Variants in SENP7 observed in about 807,000 individuals in gnomAD.
SENP7 encodes sentrin-specific protease 7.
SENP7 carries 64 observed loss-of-function variants against 141.2 expected under a neutral mutation model. That is an observed-to-expected ratio of 0.45 (90% CI 0.37 to 0.56). The LOEUF is 0.56. SENP7 is among the 20% of genes least tolerant of loss of function. The pLI is 0.00. For synonymous variants in SENP7, 382 were observed against 426.4 expected (o/e 0.90, Z 1.28); for missense variants, 1,025 against 1,212.2 (o/e 0.85, Z 2.29).
chr3:101,412,105 A>G (rs1302929582), intron 5 of SENP7, among the ~76,000 whole-genome samples: 1 of 152,152 alleles, frequency 6.6e-6, no homozygotes, highest in African/African-American at 2.4e-5. Flanking sequence ...CTATTAACAT[A>G]CAACTTCATA....
At chr3:101,473,012 G>A (rs1453290677) in intron 3 of SENP7, among the ~76,000 whole-genome samples, 1 of 152,110 alleles carries the variant, frequency 6.6e-6, no homozygotes, top group African/African-American at 2.4e-5. Context: ...TGCAGTGTTT[G>A]GTTTTCTGTC....
Position 101,327,721 on chromosome 3 carries a change from T to C in SENP7, c.2960A>G (p.Asp987Gly), listed in dbSNP as rs2058940730. Reference protein sequence around the residue: ...VDLCPKVPKQDNSSDCGVYLL... With the variant: ...VDLCPKVPKQGNSSDCGVYLL... ...ATATACTCCACAATCACTGCTATTG[T>C]CCTGTTTAGGAACTTTAGGGCATAG... Residue 987 changes from aspartate (D) to glycine (G), a missense_variant, in exon 23 of 24, where the codon GAC becomes GGC. By Grantham distance (94) the Asp-to-Gly change is moderately conservative. Around this residue, in one of 4 missense-constraint regions of SENP7, gnomAD observed 295 missense variants for 459.1 expected, o/e 0.64. Transcript: ENST00000394095. 6.2e-7 allele frequency: 1 copy of C among 1,612,166 alleles called. No individual in the cohort carries two copies. The highest frequency in any genetic ancestry group is 8.5e-7 in the Non-Finnish European group (1 of 1,178,884).
intron 6 of SENP7, among the ~76,000 whole-genome samples, chr3:101,381,366 T>C (rs149991392): frequency 1.3e-3 from 204 of 152,182 alleles, no homozygotes; most frequent in African/African-American, 4.7e-3. Context: ...AGGCCTAAAG[T>C]AAAGATTAAT....
In SENP7 at chr3:101,493,871, A is replaced by T. The variant is rs1262368674; in HGVS notation, c.186+2T>A. On this transcript the variant is annotated splice_donor_variant, in intron 3 of 23. Coordinates refer to ENST00000394095, the MANE Select transcript of SENP7 (RefSeq NM_020654.5). LOFTEE classifies it high-confidence loss of function. Reference sequence around the variant, plus strand: ...TTAAAATAAATTAATTTTATTTACCACCTGCAAAGGGAGAGTCCAGCGTTC... The same window carrying T: ...TTAAAATAAATTAATTTTATTTACCTCCTGCAAAGGGAGAGTCCAGCGTTC... 1.3e-6 allele frequency: 2 copies of T among 1,542,882 alleles called. No homozygotes were observed. The highest frequency in any genetic ancestry group is 1.8e-6 in the Non-Finnish European group (2 of 1,122,822).
intron 3 of SENP7, among the ~76,000 whole-genome samples, chr3:101,479,892 C>CAAAAAAAAAAAAAAAAAAAAA: frequency 2.7e-4 from 2 of 7,344 alleles, no homozygotes; most frequent in African/African-American, 6.1e-4. Flanking sequence ...ACAACAGCTA[C>CAAAAAAAAAAAAAAAAAAAAA]AAAAAAAAAA....
chr3:101,452,398 C>A (rs1370977803), intron 4 of SENP7, among the ~76,000 whole-genome samples: 5 of 152,146 alleles, frequency 3.3e-5, no homozygotes, highest in Non-Finnish European at 7.3e-5. Flanking sequence ...AAAGAGCCCA[C>A]ATTGCCAAGA....
chr3:101,376,811 A>AT (rs2060349711), intron 6 of SENP7, among the ~76,000 whole-genome samples: 1 of 152,210 alleles, frequency 6.6e-6, no homozygotes, highest in East Asian at 1.9e-4. Context: ...AGAAAAAAAA[A>AT]CAGAAGAATT....
chr3:101,383,185 T>G (rs75734942), intron 6 of SENP7, among the ~76,000 whole-genome samples: 6,247 of 152,246 alleles, frequency 0.041, 181 homozygotes, highest in Non-Finnish European at 0.061. Flanking sequence ...GATAAGTGAG[T>G]GAGTTCTTGC....
Position 101,493,873 on chromosome 3 carries a change from C to T in SENP7, c.186G>A (p.Gln62=). The change falls in exon 3 of 24, where the codon CAG becomes CAA. Residue 62 remains glutamine (Q), a splice_region_variant and synonymous_variant. Transcript: ENST00000394095. ...RSSERWTLPL[Q]WERSLRNKVI... is the part of the protein sequence containing the mutation. ...AAAATAAATTAATTTTATTTACCAC[C>T]TGCAAAGGGAGAGTCCAGCGTTCTG... 1 of 1,556,582 alleles carries T rather than the reference C, an allele frequency of 6.4e-7. No homozygotes were observed. Among genetic ancestry groups the T allele is most frequent in the Non-Finnish European group, 8.8e-7 (1 of 1,134,556 alleles).
intron 6 of SENP7, among the ~76,000 whole-genome samples, chr3:101,373,604 T>C (rs529096908): frequency 4.6e-5 from 7 of 152,284 alleles, no homozygotes; most frequent in South Asian, 4.2e-4. Flanking sequence ...TTAAAAGTTA[T>C]ATGGTTGTAG....
chr3:101,502,269 T>C lies in SENP7; in HGVS notation c.41-1150A>G, dbSNP rs118116260. Among the ~76,000 whole-genome samples the C allele has an allele frequency of 2.2e-4, 33 of 152,282 alleles. No homozygotes were observed. The East Asian group carries it at 6.2e-3, about 29-fold the overall frequency. On this transcript the variant is annotated intron_variant, in intron 1 of 23. Transcript: ENST00000394095. ...TTACCCATCTGACATGAAAGAAAAA[T>C]AAAGAACCACACTGGATTAGCATGT... is the stretch of plus-strand genomic sequence containing the variant.
At chr3:101,370,170 T>C (rs2060138518) in intron 7 of SENP7, among the ~76,000 whole-genome samples, 1 of 152,180 alleles carries the variant, frequency 6.6e-6, no homozygotes, top group Admixed American at 6.5e-5. Flanking sequence ...AAAATGTTTC[T>C]TTTGTCATGT....
chr3:101,450,782 CCT>C (rs1481806363), intron 4 of SENP7, among the ~76,000 whole-genome samples: 1 of 151,928 alleles, frequency 6.6e-6, no homozygotes, highest in Non-Finnish European at 1.5e-5. Flanking sequence ...ATATTGACAC[CCT>C]GACATCACAA....
chr3:101,377,972 G>A (rs56849605), intron 6 of SENP7, among the ~76,000 whole-genome samples: 60,336 of 151,892 alleles, frequency 0.4, 12,495 homozygotes, highest in Admixed American at 0.54. Context: ...ACCTTTAGCA[G>A]TAGGATATAA....
chr3:101,482,618 GA>G (rs2064542067), intron 3 of SENP7, among the ~76,000 whole-genome samples: 1 of 152,154 alleles, frequency 6.6e-6, no homozygotes, highest in Non-Finnish European at 1.5e-5. Flanking sequence ...AATTTTTAAA[GA>G]GAAAAACATA....
chr3:101,500,548 AAAAAAG>A (rs1349212782), intron 2 of SENP7, among the ~76,000 whole-genome samples: 1 of 152,178 alleles, frequency 6.6e-6, no homozygotes, highest in African/African-American at 2.4e-5. Context: ...GTCTCTTAAA[AAAAAAG>A]AAAAAGATTA....
At chr3:101,461,202 A>G (rs1443817512) in intron 3 of SENP7, among the ~76,000 whole-genome samples, 1 of 152,184 alleles carries the variant, frequency 6.6e-6, no homozygotes, top group African/African-American at 2.4e-5. Context: ...TAATGGAAAG[A>G]TAACTCCACG....
intron 6 of SENP7, among the ~76,000 whole-genome samples, chr3:101,389,047 G>T (rs543503911): frequency 6.6e-6 from 1 of 152,094 alleles, no homozygotes; most frequent in African/African-American, 2.4e-5. Flanking sequence ...AAGGCAAAGA[G>T]AAAAAACAAA....
intron 8 of SENP7, 94 bp from the exon 9 acceptor site, chr3:101,366,863 C>T (rs1034972093): frequency 2.6e-5 from 19 of 728,052 alleles, no homozygotes; most frequent in Non-Finnish European, 4.2e-5. Flanking sequence ...AATATTATAT[C>T]ACTTCTATAA....
Sources: gnomAD v4.1 joint callset for allele counts (sites outside exome capture counted in the v4.1 genomes callset) on GRCh38, gnomAD v4.1.1 for gene constraint, gnomAD v4.1.1 regional missense constraint, MANE v1.5 for transcripts, NCBI Gene and HGNC (gene_info 2026-07-23, HGNC 2026-07-21) for gene names.